The following OCA2 variants were observed in gnomAD, a reference collection of about 807,000 sequenced individuals.
The protein encoded by OCA2 is OCA2 melanosomal transmembrane protein.
Under a neutral mutation model 100.2 loss-of-function variants are expected in OCA2, and 77 were observed. That is an observed-to-expected ratio of 0.77 (90% CI 0.64 to 0.93). The LOEUF (loss-of-function observed/expected upper bound fraction) is 0.93. OCA2 is among the 40% of genes least tolerant of loss of function. OCA2 has a pLI of 0.00. For synonymous variants in OCA2, 432 were observed against 439.2 expected (o/e 0.98, Z 0.21); for missense variants, 1,062 against 1,089.1 (o/e 0.98, Z 0.35).
At chr15:28,012,253 TAGAA>T (rs2042264603) in intron 9 of OCA2, among the ~76,000 whole-genome samples, 1 of 152,128 alleles carries the variant, frequency 6.6e-6, no homozygotes, top group Non-Finnish European at 1.5e-5. Context: ...TACACACCAA[TAGAA>T]AGACCACACC....
chr15:27,750,624 G>T (rs1345105666), downstream of OCA2, among the ~76,000 whole-genome samples: 1 of 152,196 alleles, frequency 6.6e-6, no homozygotes, highest in African/African-American at 2.4e-5. Flanking sequence ...GTCCTTAGAA[G>T]TCTCTGATAT....
chr15:27,939,708 C>T (rs2703951), intron 18 of OCA2, among the ~76,000 whole-genome samples: 31,666 of 152,194 alleles, frequency 0.21, 3,819 homozygotes, highest in South Asian at 0.37. Flanking sequence ...GCATTAGACA[C>T]GGTCAGGAAT....
chr15:27,752,101 G>A (rs17565841), downstream of OCA2, among the ~76,000 whole-genome samples: 15,601 of 152,236 alleles, frequency 0.1, 890 homozygotes, highest in Middle Eastern at 0.18. Context: ...GCGTGGGGCC[G>A]TGTGTCAAAG....
At chr15:27,781,978 T>C (rs888082593) in intron 23 of OCA2, among the ~76,000 whole-genome samples, 2 of 152,254 alleles carry the variant, frequency 1.3e-5, no homozygotes, top group Non-Finnish European at 1.5e-5. Context: ...ATTCCTGTGC[T>C]AGAGACACAC....
chr15:27,796,102 C>T (rs1306277673), intron 23 of OCA2, among the ~76,000 whole-genome samples: 5 of 152,236 alleles, frequency 3.3e-5, no homozygotes, highest in African/African-American at 7.2e-5. Context: ...CAGCCATCCA[C>T]GGTTCTAGCA....
At chr15:27,948,714 C>T (rs1321752135) in intron 18 of OCA2, among the ~76,000 whole-genome samples, 1 of 152,200 alleles carries the variant, frequency 6.6e-6, no homozygotes, top group Non-Finnish European at 1.5e-5. Flanking sequence ...AATCCACCCT[C>T]CTCGGCCTTC....
intron 2 of OCA2, among the ~76,000 whole-genome samples, chr15:28,063,694 A>G (rs2043942988): frequency 6.6e-6 from 1 of 152,044 alleles, no homozygotes; most frequent in Admixed American, 6.6e-5. Flanking sequence ...ACATAACTCT[A>G]TTTCCTCTCA....
intron 21 of OCA2, among the ~76,000 whole-genome samples, chr15:27,857,902 T>C (rs1449170826): frequency 1.3e-5 from 2 of 152,180 alleles, no homozygotes; most frequent in Non-Finnish European, 2.9e-5. Context: ...CAGGTTGTTA[T>C]ATATTTAGGA....
At chr15:27,947,705 TC>T (rs1567140957) in intron 18 of OCA2, among the ~76,000 whole-genome samples, 1 of 152,134 alleles carries the variant, frequency 6.6e-6, no homozygotes, top group African/African-American at 2.4e-5. Flanking sequence ...CAGTAAACAT[TC>T]CTTCTTGCTC....
intron 9 of OCA2, among the ~76,000 whole-genome samples, chr15:27,994,128 A>C (rs560140624): frequency 8.5e-5 from 13 of 152,294 alleles, no homozygotes; most frequent in South Asian, 4.1e-4. Context: ...CCAGGGCCGC[A>C]CAGTGGGAGG....
chr15:27,901,651 G>A (rs1342522938), intron 19 of OCA2, among the ~76,000 whole-genome samples: 1 of 152,222 alleles, frequency 6.6e-6, no homozygotes, highest in Non-Finnish European at 1.5e-5. Context: ...TTCCTTACAT[G>A]ACTGTTTCAA....
chr15:27,855,725 G>A (rs915844136), intron 21 of OCA2, among the ~76,000 whole-genome samples: 1 of 152,184 alleles, frequency 6.6e-6, no homozygotes, highest in Non-Finnish European at 1.5e-5. Context: ...AGATACAAGA[G>A]ACAGACAGTA....
intron 2 of OCA2, among the ~76,000 whole-genome samples, chr15:28,080,880 T>C (rs1228619065): frequency 3.3e-5 from 5 of 152,222 alleles, no homozygotes; most frequent in African/African-American, 4.8e-5. Context: ...TTCATTGTCT[T>C]TACATAAGTA....
intron 19 of OCA2, among the ~76,000 whole-genome samples, chr15:27,896,902 C>G (rs886385530): frequency 3.3e-5 from 5 of 149,574 alleles, no homozygotes; most frequent in Non-Finnish European, 7.4e-5. Context: ...CAGAAATCTT[C>G]TTGGCAGGCC....
intron 23 of OCA2, among the ~76,000 whole-genome samples, chr15:27,759,839 A>C (rs2030690805): frequency 6.6e-6 from 1 of 152,140 alleles, no homozygotes. Flanking sequence ...ACTCAACAAT[A>C]TCTTCCAGCA....
intron 9 of OCA2, among the ~76,000 whole-genome samples, chr15:28,005,072 G>A (rs1266558533): frequency 6.6e-6 from 1 of 152,152 alleles, no homozygotes; most frequent in Non-Finnish European, 1.5e-5. Flanking sequence ...GCCCCTGCGA[G>A]CTGGACCGTG....
intron 23 of OCA2, among the ~76,000 whole-genome samples, chr15:27,806,090 G>T (rs532227913): frequency 1.3e-5 from 2 of 152,206 alleles, no homozygotes; most frequent in Non-Finnish European, 2.9e-5. Flanking sequence ...TTTAGAAGAT[G>T]CCAGTGCCTG....
the OCA2 span, among the ~76,000 whole-genome samples, chr15:27,721,231 C>T: frequency 3.9e-5 from 6 of 152,120 alleles, no homozygotes; most frequent in African/African-American, 7.2e-5. Flanking sequence ...CAGCCAGGTG[C>T]GGTGCTCAGG....
intron 9 of OCA2, among the ~76,000 whole-genome samples, chr15:28,013,020 TAA>T (rs1427907805): frequency 6.6e-6 from 1 of 152,094 alleles, no homozygotes; most frequent in Non-Finnish European, 1.5e-5. Context: ...TTAAAATCAT[TAA>T]GAGAAAAAGT....
Sources: allele counts gnomAD v4.1 joint callset (sites outside exome capture counted in the v4.1 genomes callset), GRCh38; gene constraint gnomAD v4.1.1; transcripts MANE v1.5; gene names NCBI Gene and HGNC (gene_info 2026-07-23, HGNC 2026-07-21).